CYP4V2: variants seen among roughly 807,000 people sequenced by gnomAD.
The protein encoded by CYP4V2 is cytochrome P450 family 4 subfamily V member 2, also known as cytochrome P450 4V2.
In CYP4V2, 55 loss-of-function variants were observed where a neutral mutation model predicts 60.8. That is an observed-to-expected ratio of 0.90 (90% CI 0.73 to 1.13). CYP4V2 has a LOEUF of 1.13. Among genes scored for constraint, CYP4V2 ranks in the 50% most tolerant of loss-of-function variants. The pLI, the probability that CYP4V2 is intolerant of heterozygous loss-of-function variation, is 0.00. For missense variants in CYP4V2, 675 were observed against 662.9 expected (o/e 1.02, Z -0.20); for synonymous variants, 239 against 236.8 (o/e 1.01, Z -0.08).
chr4:186,205,029 G>C (rs72646281), intron 7 of CYP4V2, 171 bp from the exon 8 acceptor site: 1 of 698,590 alleles, frequency 1.4e-6, no homozygotes. Context: ...CGCTTTGCAG[G>C]CTTGTTTCCT....
In CYP4V2 at chr4:186,195,461, C is replaced by T. The variant is rs1461527491; in HGVS notation, c.328-542C>T. ...GCACCCTGTGCTCAGCCCTAGACCC[C>T]ATCCCTCCTCCCACTTCACGTGGAC... On this transcript the variant is annotated intron_variant, in intron 2 of 10. Coordinates refer to ENST00000378802, the MANE Select transcript of CYP4V2 (RefSeq NM_207352.4). This position sits in a 1 kb window ranked among gnomAD's most constrained non-coding sequence, Gnocchi z 4.1. Among the ~76,000 whole-genome samples the T allele has an allele frequency of 1.3e-5, 2 of 152,190 alleles. No individual in the cohort carries two copies. The highest frequency in any genetic ancestry group is 2.4e-5 in the African/African-American group (1 of 41,454).
In CYP4V2 at chr4:186,195,687, C is replaced by G. The variant is rs538243678; in HGVS notation, c.328-316C>G. 6.6e-6 allele frequency among the ~76,000 whole-genome samples: 1 copy of G among 152,052 alleles called. No homozygotes were observed. The highest frequency in any genetic ancestry group is 2.4e-5 in the African/African-American group (1 of 41,396). On this transcript the variant is annotated intron_variant, in intron 2 of 10. Transcript: ENST00000378802. This position sits in a 1 kb window ranked among gnomAD's most constrained non-coding sequence, Gnocchi z 4.1. ...CCCACATGTGCCCACCCTCCAGATT[C>G]GCCTCCTCCCACCTCACTGTCCCCC...
At chr4:186,193,953 A>G (rs1414321418) in intron 1 of CYP4V2, among the ~76,000 whole-genome samples, 1 of 152,202 alleles carries the variant, frequency 6.6e-6, no homozygotes, top group Non-Finnish European at 1.5e-5. Flanking sequence ...CAGCTGTTGG[A>G]CCTGCTGCCT....
chr4:186,199,239 G>T (rs1429403647), intron 6 of CYP4V2, among the ~76,000 whole-genome samples, 156 bp downstream of exon 6: 2 of 152,186 alleles, frequency 1.3e-5, no homozygotes, highest in Non-Finnish European at 2.9e-5. Flanking sequence ...GTAAGTCCAT[G>T]ATGTTGATGT....
Position 186,197,390 on chromosome 4 carries a change from A to C in CYP4V2, c.605-143A>C, listed in dbSNP as rs186821672. On this transcript the variant is annotated intron_variant, in intron 4 of 10. Transcript: ENST00000378802. Reference sequence around the variant, plus strand: ...GGAGTAGAAGTGGACCGTACAAGAGAAGAGGGTAAAGGGAGGAAGAAGAAT... The same window carrying C: ...GGAGTAGAAGTGGACCGTACAAGAGCAGAGGGTAAAGGGAGGAAGAAGAAT... 7.0e-4 allele frequency: 653 copies of C among 938,708 alleles called. 2 individuals carry two copies. In the African/African-American group the frequency reaches 9.0e-3, roughly 13 times the overall value. 58.1% of individuals were successfully genotyped at this position (938,708 alleles called of 1,614,324 possible).
At chr4:186,207,900 T>C (rs1736574181) in intron 8 of CYP4V2, among the ~76,000 whole-genome samples, 1 of 152,222 alleles carries the variant, frequency 6.6e-6, no homozygotes. Context: ...TATGTGACCT[T>C]TAGTGTCTGT....
In CYP4V2 at chr4:186,199,202, C is replaced by G. The variant is rs527492432; in HGVS notation, c.801+119C>G. The G allele has an allele frequency of 1.1e-5, 12 of 1,093,508 alleles. No individual in the cohort carries two copies. The East Asian group carries it at 3.1e-4, about 28-fold the overall frequency. 67.7% of individuals were successfully genotyped at this position (1,093,508 alleles called of 1,614,324 possible). A position where few individuals can be genotyped will look rare whatever the true frequency, so the allele number is the denominator to read the frequency against. On this transcript the variant is annotated intron_variant, in intron 6 of 10. Transcript: ENST00000378802. The stretch of plus-strand genomic sequence containing the variant: ...TGCATTCACGATGTTGTGCAACCAT[C>G]CCCACCGTTCATTTCCAGAACTTTT...
At chr4:186,193,817 T>C (rs934555697) in intron 1 of CYP4V2, among the ~76,000 whole-genome samples, 3 of 152,348 alleles carry the variant, frequency 2.0e-5, no homozygotes, top group Admixed American at 2.0e-4. Context: ...ATTTTGCGGC[T>C]AATGTCCAAA....
intron 8 of CYP4V2, among the ~76,000 whole-genome samples, chr4:186,205,662 G>A (rs1198383965): frequency 1.3e-5 from 2 of 152,216 alleles, no homozygotes; most frequent in African/African-American, 2.4e-5. Context: ...AAGCTGTTTC[G>A]CAGATTGCCT....
At chr4:186,210,268 C>T (rs1046702742) in intron 10 of CYP4V2, among the ~76,000 whole-genome samples, 6 of 152,144 alleles carry the variant, frequency 3.9e-5, no homozygotes, top group Non-Finnish European at 8.8e-5. Flanking sequence ...CTCTGATCCT[C>T]CCCAGCTATA....
chr4:186,203,551 C>A (rs970466581), intron 7 of CYP4V2: 19 of 152,372 alleles, frequency 1.2e-4, no homozygotes, highest in African/African-American at 4.1e-4. Flanking sequence ...CGGTGCTTTA[C>A]GTTTGCCTTA....
At position 186,210,710 on chromosome 4, in the gene CYP4V2, T is replaced by C. The variant is rs2126603955; in HGVS notation, c.*69T>C. 1 of 1,592,340 alleles carries C rather than the reference T, an allele frequency of 6.3e-7. No homozygotes were observed. Among genetic ancestry groups the C allele is most frequent in the South Asian group, 1.1e-5 (1 of 89,238 alleles). On this transcript the variant is annotated 3_prime_UTR_variant, in exon 11 of 11. Transcript: ENST00000378802. ...TTTAAGAGATCCTTGTCATTTACAA[T>C]TTACAGATCATGAGTTCAATATGCT...
Position 186,209,281 on chromosome 4 carries a change from C to A in CYP4V2, c.1405+9C>A, listed in dbSNP as rs989033597. ...CCCCAGGAACTGTATAGGTTTGTATCCATCTGAATTGGTTTGACCTTTCAG... is the reference window on the plus strand; with the variant it reads ...CCCCAGGAACTGTATAGGTTTGTATACATCTGAATTGGTTTGACCTTTCAG... On this transcript the variant is annotated intron_variant, in intron 10 of 10. Coordinates refer to ENST00000378802, the MANE Select transcript of CYP4V2 (RefSeq NM_207352.4). 6.2e-7 allele frequency: 1 copy of A among 1,613,872 alleles called. No homozygotes were observed. Among genetic ancestry groups the A allele is most frequent in the South Asian group, 1.1e-5 (1 of 91,058 alleles).
In CYP4V2 at chr4:186,208,888, G is replaced by C; in HGVS notation, c.1114G>C (p.Val372Leu). 1 of 1,614,216 alleles carries C rather than the reference G, an allele frequency of 6.2e-7. No individual in the cohort carries two copies. Among genetic ancestry groups the C allele is most frequent in the South Asian group, 1.1e-5 (1 of 91,086 alleles). Reference protein sequence around the residue: ...VFGKSDRPATVEDLKKLRYLE... With the variant: ...VFGKSDRPATLEDLKKLRYLE... ...AGGGAAGTCTGACCGTCCCGCTACA[G>C]TAGAAGACCTGAAGAAACTTCGGTA... The change falls in exon 9 of 11, where the codon GTA becomes CTA. Residue 372 changes from valine to leucine, a missense_variant. Val to Leu is a conservative substitution (Grantham distance 32, BLOSUM62 1). Transcript: ENST00000378802.
intron 4 of CYP4V2, 164 bp downstream of exon 4, chr4:186,197,294 C>T: frequency 3.2e-6 from 3 of 946,444 alleles, no homozygotes; most frequent in Non-Finnish European, 4.9e-6. Flanking sequence ...AGCAGCCACG[C>T]CCAGGGCTGT....
At position 186,211,868 on chromosome 4, in the gene CYP4V2, T is replaced by A. The variant is rs1736734314; in HGVS notation, c.*1227T>A. The A allele has an allele frequency of 6.6e-6, 1 of 152,216 alleles. No individual in the cohort carries two copies. Among genetic ancestry groups the A allele is most frequent in the Admixed American group, 6.5e-5 (1 of 15,290 alleles). 9.4% of individuals were successfully genotyped at this position (152,216 alleles called of 1,614,324 possible). On this transcript the variant is annotated 3_prime_UTR_variant, in exon 11 of 11. Coordinates refer to ENST00000378802, the MANE Select transcript of CYP4V2 (RefSeq NM_207352.4). The stretch of plus-strand genomic sequence containing the variant: ...TTGATTAGTAGGTTCTGTTACAGTT[T>A]TTCTTTTGATCGTGCACTTATAGTC...
chr4:186,210,297 A>C (rs1446506678), intron 10 of CYP4V2, among the ~76,000 whole-genome samples, 172 bp from the exon 11 acceptor site: 1 of 152,222 alleles, frequency 6.6e-6, no homozygotes, highest in African/African-American at 2.4e-5. Flanking sequence ...AGGTGGGATC[A>C]GGGAGGGAAA....
In CYP4V2 at chr4:186,210,652, G is replaced by C. The variant is rs751706717; in HGVS notation, c.*11G>C. 2 of 1,613,848 alleles carry C rather than the reference G, an allele frequency of 1.2e-6. No individual in the cohort carries two copies. Among genetic ancestry groups the C allele is most frequent in the Non-Finnish European group, 1.7e-6 (2 of 1,179,974 alleles). On this transcript the variant is annotated 3_prime_UTR_variant, in exon 11 of 11. Coordinates refer to ENST00000378802, the MANE Select transcript of CYP4V2 (RefSeq NM_207352.4). ...GCAGATGAACGCTAACTATATTATT[G>C]GGTTGTGCCTTTATCATGAGAAAGG...
chr4:186,200,224 T>A (rs1736266997), intron 6 of CYP4V2, among the ~76,000 whole-genome samples: 1 of 152,150 alleles, frequency 6.6e-6, no homozygotes, highest in African/African-American at 2.4e-5. Flanking sequence ...AGACATGGTG[T>A]TTTGCCCTCA....
Sources: gnomAD v4.1 joint callset for allele counts (sites outside exome capture counted in the v4.1 genomes callset) on GRCh38, gnomAD v4.1.1 for gene constraint, Gnocchi (gnomAD v3.1) non-coding constraint, MANE v1.5 for transcripts, NCBI Gene and HGNC (gene_info 2026-07-23, HGNC 2026-07-21) for gene names.